Variants in ZMYM4 observed in about 807,000 individuals in gnomAD.
ZMYM4 encodes the protein zinc finger MYM-type containing 4, also known as zinc finger MYM-type protein 4.
In ZMYM4, 31 loss-of-function variants were observed where a neutral mutation model predicts 183.2. The ratio of observed to expected loss-of-function variants is 0.17; its 90% CI spans 0.13 to 0.23. The LOEUF is 0.23. Ranked by LOEUF, ZMYM4 falls within the 10% of genes least tolerant of loss-of-function variation. The pLI, the probability that ZMYM4 is intolerant of heterozygous loss-of-function variation, is 1.00. For synonymous variants in ZMYM4, 592 were observed against 631.2 expected (o/e 0.94, Z 0.93); for missense variants, 1,273 against 1,840.3 (o/e 0.69, Z 5.64).
rs1430468829 is a variant in ZMYM4, at chr1:35,415,724, A to G, written c.4309+10A>G. 1.9e-6 allele frequency: 3 copies of G among 1,607,414 alleles called. No individual in the cohort carries two copies. Among genetic ancestry groups the G allele is most frequent in the Non-Finnish European group, 2.5e-6 (3 of 1,179,106 alleles). The stretch of plus-strand genomic sequence containing the variant: ...CAGGAGTCAGAACCAGGTACGGGAT[A>G]CTGTTTGTCAGATTTCTCTTTGAAG... On this transcript the variant is annotated intron_variant, in intron 28 of 29. Coordinates refer to ENST00000314607, the MANE Select transcript of ZMYM4 (RefSeq NM_005095.3).
chr1:35,401,441 GTTTA>G (rs1558176353), intron 23 of ZMYM4, among the ~76,000 whole-genome samples: 1 of 152,124 alleles, frequency 6.6e-6, no homozygotes, highest in African/African-American at 2.4e-5. Flanking sequence ...TTGGTAAAGT[GTTTA>G]TTCACAGTTT....
chr1:35,285,491 C>CT (rs1365234599), intron 1 of ZMYM4, among the ~76,000 whole-genome samples: 1 of 151,702 alleles, frequency 6.6e-6, no homozygotes, highest in African/African-American at 2.4e-5. Context: ...TCCTTTGTAT[C>CT]TATGAGTTCC....
intron 2 of ZMYM4, among the ~76,000 whole-genome samples, chr1:35,354,227 A>T (rs1016149837): frequency 6.6e-5 from 10 of 152,168 alleles, no homozygotes; most frequent in Non-Finnish European, 7.4e-5. Flanking sequence ...AGATTTAAAA[A>T]TTTTTTTTCA....
intron 9 of ZMYM4, among the ~76,000 whole-genome samples, chr1:35,383,103 T>A (rs1408623738): frequency 6.6e-6 from 1 of 152,210 alleles, no homozygotes; most frequent in Non-Finnish European, 1.5e-5. Flanking sequence ...GTGCACGGGA[T>A]GAACTGGATG....
At chr1:35,417,728 G>A (rs896783881) in intron 28 of ZMYM4, among the ~76,000 whole-genome samples, 3 of 152,138 alleles carry the variant, frequency 2.0e-5, no homozygotes, top group Non-Finnish European at 2.9e-5. Flanking sequence ...GAGAGATGGC[G>A]ACCGGGCACG....
At position 35,387,139 on chromosome 1, in the gene ZMYM4, T is replaced by G; in HGVS notation, c.1973T>G (p.Ile658Ser). The change falls in exon 12 of 30, where the codon ATC becomes AGC. Residue 658 changes from isoleucine (I) to serine (S), a missense_variant. Around this residue, in one of 6 missense-constraint regions of ZMYM4, gnomAD observed 319 missense variants for 518.1 expected, o/e 0.62. Transcript: ENST00000314607. The stretch of plus-strand genomic sequence containing the variant: ...ACATCTGCTGTTTCTCCCACCTCCA[T>G]CAGTAGCTCTGCTGCAGCTGGTCTC... Reference protein sequence around the residue: ...GSTSAVSPTSISSSAAAGLQR... With the variant: ...GSTSAVSPTSSSSSAAAGLQR... 1.9e-6 allele frequency: 3 copies of G among 1,614,242 alleles called. No individual in the cohort carries two copies. The highest frequency in any genetic ancestry group is 2.5e-6 in the Non-Finnish European group (3 of 1,180,042).
chr1:35,360,002 T>A (rs1002160316), intron 3 of ZMYM4, among the ~76,000 whole-genome samples: 1 of 152,164 alleles, frequency 6.6e-6, no homozygotes, highest in South Asian at 2.1e-4. Context: ...TTAGCTTTAG[T>A]TAACATTCTT....
chr1:35,393,548 T>C lies in ZMYM4; in HGVS notation c.2767-47T>C. The C allele has an allele frequency of 2.0e-6, 3 of 1,503,810 alleles. No homozygotes were observed. In the South Asian group the frequency reaches 4.0e-5, roughly 20 times the overall value. 93.2% of individuals were successfully genotyped at this position (1,503,810 alleles called of 1,614,324 possible). On this transcript the variant is annotated intron_variant, in intron 17 of 29. Coordinates refer to ENST00000314607, the MANE Select transcript of ZMYM4 (RefSeq NM_005095.3). ...ATTATAATATTTCTTATAATTACAA[T>C]GAGATTTTTAAAAATGTTTTTGGTT...
intron 1 of ZMYM4, among the ~76,000 whole-genome samples, chr1:35,297,575 T>C (rs1641083349): frequency 6.6e-6 from 1 of 152,226 alleles, no homozygotes; most frequent in Non-Finnish European, 1.5e-5. Flanking sequence ...CCTGAACTTG[T>C]TATTTTCATC....
intron 9 of ZMYM4, among the ~76,000 whole-genome samples, chr1:35,382,367 T>C (rs1326995371): frequency 6.6e-6 from 1 of 151,816 alleles, no homozygotes. Context: ...GCATTAAATA[T>C]TCATACAGAG....
At chr1:35,350,413 C>G (rs1469145776) in intron 2 of ZMYM4, among the ~76,000 whole-genome samples, 1 of 152,012 alleles carries the variant, frequency 6.6e-6, no homozygotes, top group African/African-American at 2.4e-5. Flanking sequence ...CTCAGCCTCC[C>G]TAGTAGCTGG....
intron 9 of ZMYM4, among the ~76,000 whole-genome samples, chr1:35,382,809 A>G (rs1376024540): frequency 6.6e-6 from 1 of 152,156 alleles, no homozygotes; most frequent in Non-Finnish European, 1.5e-5. Context: ...GAAAGTTAAA[A>G]AAAAACATGA....
intron 1 of ZMYM4, among the ~76,000 whole-genome samples, chr1:35,298,779 C>T (rs1410469676): frequency 1.3e-5 from 2 of 152,150 alleles, no homozygotes; most frequent in African/African-American, 4.8e-5. Flanking sequence ...GAAAGTTTTG[C>T]AGGGTCCATC....
chr1:35,276,868 A>G (rs1022367138), intron 1 of ZMYM4, among the ~76,000 whole-genome samples: 2 of 152,094 alleles, frequency 1.3e-5, no homozygotes, highest in Non-Finnish European at 2.9e-5. Flanking sequence ...CCGCCTCCCA[A>G]AGTGCTGGGA....
intron 2 of ZMYM4, among the ~76,000 whole-genome samples, chr1:35,342,371 G>A (rs939371035): frequency 6.6e-6 from 1 of 151,892 alleles, no homozygotes; most frequent in Non-Finnish European, 1.5e-5. Flanking sequence ...CTGTTGCCTA[G>A]GCTGGTCTCG....
chr1:35,328,960 C>A (rs1340401354), intron 2 of ZMYM4, among the ~76,000 whole-genome samples: 2 of 152,166 alleles, frequency 1.3e-5, no homozygotes, highest in Non-Finnish European at 2.9e-5. Flanking sequence ...ACCTACCCTG[C>A]TAGACCTACC....
At chr1:35,274,579 C>A (rs796937342) in intron 1 of ZMYM4, among the ~76,000 whole-genome samples, 1 of 147,576 alleles carries the variant, frequency 6.8e-6, no homozygotes, top group Non-Finnish European at 1.5e-5. Flanking sequence ...GCACTTTAGC[C>A]TGGGTGACAG....
At chr1:35,295,152 A>G (rs1398676215) in intron 1 of ZMYM4, among the ~76,000 whole-genome samples, 1 of 152,234 alleles carries the variant, frequency 6.6e-6, no homozygotes, top group Non-Finnish European at 1.5e-5. Flanking sequence ...TTAATGTACA[A>G]CATTTTAAAT....
intron 18 of ZMYM4, 34 bp from the exon 19 acceptor site, chr1:35,396,516 CTT>C: frequency 6.2e-7 from 1 of 1,609,838 alleles, no homozygotes; most frequent in South Asian, 1.1e-5. Flanking sequence ...TTCTAACCCT[CTT>C]TGCTTTTTGT....
Sources: gnomAD v4.1 joint callset for allele counts (sites outside exome capture counted in the v4.1 genomes callset) on GRCh38, gnomAD v4.1.1 for gene constraint, gnomAD v4.1.1 regional missense constraint, MANE v1.5 for transcripts, NCBI Gene and HGNC (gene_info 2026-07-23, HGNC 2026-07-21) for gene names.